The following TTN variants were observed in gnomAD, a reference collection of about 807,000 sequenced individuals.
The protein encoded by TTN is connectin.
A neutral mutation model predicts 3,223.0 loss-of-function variants in TTN; 1,525 were observed. That is an observed-to-expected ratio of 0.47 (90% CI 0.45 to 0.49). TTN has a LOEUF of 0.49. Ranked by LOEUF, TTN falls within the 20% of genes least tolerant of loss-of-function variation. The probability of loss-of-function intolerance (pLI) is 0.00; values close to 1 mark genes in which losing one functional copy is unlikely to be tolerated. For missense variants in TTN, 40,786 were observed against 43,424.0 expected, an observed-to-expected ratio of 0.94 and a Z score of 5.40; for synonymous variants, 14,094 against 15,161.0, an observed-to-expected ratio of 0.93 and a Z score of 5.17.
intron 46 of TTN, among the ~76,000 whole-genome samples, chr2:178,755,140 A>C (rs962637585): frequency 6.6e-6 from 1 of 152,170 alleles, no homozygotes; most frequent in African/African-American, 2.4e-5. Flanking sequence ...GGCACACAAC[A>C]CAGGCTTATG....
chr2:178,693,908 A>G lies in TTN; in HGVS notation c.31513+14T>C. ...CCTTCCATTTGAGCCCCCACATTCC[A>G]GTTTGCCTTATACCTGTGACTGACA... On this transcript the variant is annotated intron_variant, in intron 118 of 362. Transcript: ENST00000589042. The G allele has an allele frequency of 2.5e-6, 4 of 1,610,260 alleles. No individual in the cohort carries two copies. Among genetic ancestry groups the G allele is most frequent in the Non-Finnish European group, 3.4e-6 (4 of 1,177,366 alleles).
At position 178,543,752 on chromosome 2, in the gene TTN, G is replaced by A. The variant is rs945057917; in HGVS notation, c.96310+82C>T. 5.2e-6 allele frequency: 8 copies of A among 1,551,884 alleles called. No homozygotes were observed. In the East Asian group the frequency reaches 1.8e-4, roughly 35 times the overall value. ...ATATAATCAACATAGTTCCTTTCTAGAGAGGTGATCAATCATAGGTCAAGC... is the reference window on the plus strand; with the variant it reads ...ATATAATCAACATAGTTCCTTTCTAAAGAGGTGATCAATCATAGGTCAAGC... On this transcript the variant is annotated intron_variant, in intron 346 of 362. Transcript: ENST00000589042.
chr2:178,586,388 C>T, intron 308 of TTN, 117 bp downstream of exon 308: 1 of 1,260,308 alleles, frequency 7.9e-7, no homozygotes, highest in Non-Finnish European at 1.1e-6. Flanking sequence ...AGCCACTGTT[C>T]TCTACTGTTT....
At position 178,598,056 on chromosome 2, in the gene TTN, AC is replaced by A; in HGVS notation, c.57113del (p.Gly19038ValfsTer6). ...TTGTTCCTCTCACTTCTTTATCTTT[AC>A]CCTGGGGAGAAATCATAGACATTTT... ...KEEGKEEWEKGKDKEVRGTKL... is the reference protein window; with the variant it reads ...KEEGKEEWEKXKDKEVRGTKL... On this transcript the variant is annotated frameshift_variant and splice_region_variant, in exon 293 of 363. Transcript: ENST00000589042. LOFTEE classifies it high-confidence loss of function. The A allele has an allele frequency of 6.2e-7, 1 of 1,610,508 alleles. No individual in the cohort carries two copies.
Position 178,559,830 on chromosome 2 carries a change from C to G in TTN, c.86302G>C (p.Ala28768Pro). ...SEMRKTLIVK[A>P]GASFTMTVPF... ...ACAGTCATGGTAAATGAGGCACCAGCCTTGACAATCAAGGTCTTCCTCATT... is the reference window on the plus strand; with the variant it reads ...ACAGTCATGGTAAATGAGGCACCAGGCTTGACAATCAAGGTCTTCCTCATT... Residue 28768 changes from alanine to proline, a missense_variant, in exon 326 of 363, where the codon GCT (alanine) becomes CCT (proline). By Grantham distance (27) the Ala-to-Pro change is conservative (BLOSUM62 -1). Coordinates refer to ENST00000589042, the MANE Select transcript of TTN (RefSeq NM_001267550.2). 1 of 1,610,684 alleles carries G rather than the reference C, an allele frequency of 6.2e-7. No individual in the cohort carries two copies. The highest frequency in any genetic ancestry group is 8.5e-7 in the Non-Finnish European group (1 of 1,179,622).
At chr2:178,617,636 C>A (rs1224809872) in intron 253 of TTN, 124 bp from the exon 254 acceptor site, 1 of 1,383,326 alleles carries the variant, frequency 7.2e-7, no homozygotes. Context: ...AAAGTAGGCA[C>A]AGTCTGGGTT....
Position 178,553,247 on chromosome 2 carries a change from T to C in TTN, c.89653A>G (p.Arg29885Gly), listed in dbSNP as rs368173790. Residue 29885 changes from arginine to glycine, a missense_variant, in exon 335 of 363, where the codon AGA (arginine) becomes GGA (glycine). By Grantham distance (125) the Arg-to-Gly change is moderately radical (BLOSUM62 -2). Transcript: ENST00000589042. ...KDEKNLGSDARYSIENTDSSS... is the reference protein window; with the variant it reads ...KDEKNLGSDAGYSIENTDSSS... ...GAATCAGTGTTTTCAATGCTGTATC[T>C]GGCATCACTGCCAAGATTCTTCTCA... is the stretch of plus-strand genomic sequence containing the variant. The C allele has an allele frequency of 6.2e-7, 1 of 1,613,212 alleles. No individual in the cohort carries two copies. The highest frequency in any genetic ancestry group is 8.5e-7 in the Non-Finnish European group (1 of 1,179,822).
Position 178,682,820 on chromosome 2 carries a change from C to T in TTN, c.32971G>A (p.Glu10991Lys), listed in dbSNP as rs201081803. The T allele has an allele frequency of 6.6e-5, 107 of 1,612,096 alleles. No homozygotes were observed. Among genetic ancestry groups the T allele is most frequent in the Admixed American group, 3.3e-4 (20 of 59,832 alleles). The change falls in exon 135 of 363, where the codon GAA becomes AAA. Residue 10991 changes from glutamate to lysine, a missense_variant. Physicochemically the swap from Glu to Lys is moderately conservative, Grantham distance 56. Transcript: ENST00000589042. ...VSVQREEEYE[E>K]YEEYDYKEFE... Reference sequence around the variant, plus strand: ...TCTTTATAATCATATTCTTCATATTCCTCATATTCTTCTTCCCGTTGTACT... The same window carrying T: ...TCTTTATAATCATATTCTTCATATTTCTCATATTCTTCTTCCCGTTGTACT...
chr2:178,619,155 G>C (rs569746622), intron 250 of TTN: 144 of 421,026 alleles, frequency 3.4e-4, no homozygotes, highest in Middle Eastern at 1.3e-3. Context: ...TTTGTTTTTT[G>C]ATAGAGTAGG....
At position 178,579,466 on chromosome 2, in the gene TTN, T is replaced by TA. The variant is rs2047186546; in HGVS notation, c.67637-74_67637-73insT. 6 of 1,568,962 alleles carry TA rather than the reference T, an allele frequency of 3.8e-6. No individual in the cohort carries two copies. In the South Asian group the frequency reaches 7.1e-5, roughly 19 times the overall value. On this transcript the variant is annotated intron_variant, in intron 319 of 362. Coordinates refer to ENST00000589042, the MANE Select transcript of TTN (RefSeq NM_001267550.2). ...TTAACTTTTTCAAATAGTTCTAGCTTTTAACGGATTTTTAGATAAGCTAGT... is the reference window on the plus strand; with the variant it reads ...TTAACTTTTTCAAATAGTTCTAGCTTATTAACGGATTTTTAGATAAGCTAGT...
In TTN at chr2:178,771,274, C is replaced by G; in HGVS notation, c.8053G>C (p.Asp2685His). Residue 2685 changes from aspartate to histidine, a missense_variant, in exon 34 of 363, where the codon GAC becomes CAC. Coordinates refer to ENST00000589042, the MANE Select transcript of TTN (RefSeq NM_001267550.2). ...ACCTTGTAGGTATATTCTCCAATGT[C>G]ATCTAATTTGGTGGCAGCAATGATA... is the stretch of plus-strand genomic sequence containing the variant. ...RLIIAATKLD[D>H]IGEYTYKVAT... 6.2e-7 allele frequency: 1 copy of G among 1,613,950 alleles called. No homozygotes were observed. The highest frequency in any genetic ancestry group is 8.5e-7 in the Non-Finnish European group (1 of 1,180,016).
Position 178,592,609 on chromosome 2 carries a change from T to C in TTN, c.59396A>G (p.Lys19799Arg). 6.2e-7 allele frequency: 1 copy of C among 1,613,424 alleles called. No individual in the cohort carries two copies. Among genetic ancestry groups the C allele is most frequent in the Non-Finnish European group, 8.5e-7 (1 of 1,179,606 alleles). ...ACTAAGTCTTAGAGTATCACCAACTTTAATGTGTTGTTCTCTTGCCATGTT... is the reference window on the plus strand; with the variant it reads ...ACTAAGTCTTAGAGTATCACCAACTCTAATGTGTTGTTCTCTTGCCATGTT... ...DANMAREQHIKVGDTLRLSAI... is the reference protein window; with the variant it reads ...DANMAREQHIRVGDTLRLSAI... The change falls in exon 301 of 363, where the codon AAA (lysine) becomes AGA (arginine). Residue 19799 changes from lysine to arginine, a missense_variant. Lys to Arg is a conservative substitution (Grantham distance 26). Coordinates refer to ENST00000589042, the MANE Select transcript of TTN (RefSeq NM_001267550.2).
At chr2:178,771,786 C>G (rs1312131156) in intron 33 of TTN, among the ~76,000 whole-genome samples, 1 of 152,098 alleles carries the variant, frequency 6.6e-6, no homozygotes, top group Non-Finnish European at 1.5e-5. Flanking sequence ...TCTTCAAAAG[C>G]ATTTTACTTG....
Position 178,535,468 on chromosome 2 carries a change from T to C in TTN, c.101147A>G (p.Asp33716Gly), listed in dbSNP as rs1300576084. 1 of 1,613,914 alleles carries C rather than the reference T, an allele frequency of 6.2e-7. No homozygotes were observed. The highest frequency in any genetic ancestry group is 8.5e-7 in the Non-Finnish European group (1 of 1,179,834). The change falls in exon 358 of 363, where the codon GAT becomes GGT. Residue 33716 changes from aspartate to glycine, a missense_variant. Physicochemically the swap from Asp to Gly is moderately conservative, Grantham distance 94. Coordinates refer to ENST00000589042, the MANE Select transcript of TTN (RefSeq NM_001267550.2). ...GTAGTTGGTGATTTTGCTGCCACCA[T>C]CAGAGGCTGGCTCAGTCCATGTTAA... ...VNLTWTEPAS[D>G]GGSKITNYIV...
rs1402710008 is a variant in TTN at position 178,774,916 on chromosome 2, A to C, written c.6790+5T>G. On this transcript the variant is annotated splice_donor_5th_base_variant and intron_variant, in intron 29 of 362. Coordinates refer to ENST00000589042, the MANE Select transcript of TTN (RefSeq NM_001267550.2). ...TAAACAATGAAATCCTTCGTTGTTG[A>C]ATACCTTCAACAATAAGTTTAGCAG... 1 of 1,613,450 alleles carries C rather than the reference A, an allele frequency of 6.2e-7. No individual in the cohort carries two copies. Among genetic ancestry groups the C allele is most frequent in the East Asian group, 2.2e-5 (1 of 44,828 alleles).
chr2:178,734,483 T>G lies in TTN; in HGVS notation c.15341A>C (p.Gln5114Pro). The change falls in exon 52 of 363, where the codon CAA becomes CCA. Residue 5114 changes from glutamine to proline, a missense_variant. Transcript: ENST00000589042. ...TCTGTATTTTTTACTACTTCGAATT[T>G]GTTTCTTGTCTTTGAACCAGCTAAT... ...FEISWFKDKK[Q>P]IRSSKKYRLF... 1 of 1,613,792 alleles carries G rather than the reference T, an allele frequency of 6.2e-7. No homozygotes were observed. Among genetic ancestry groups the G allele is most frequent in the East Asian group, 2.2e-5 (1 of 44,858 alleles).
intron 218 of TTN, among the ~76,000 whole-genome samples, chr2:178,643,862 A>G (rs1405576941): frequency 1.3e-5 from 2 of 151,964 alleles, no homozygotes; most frequent in Non-Finnish European, 2.9e-5. Flanking sequence ...TGAACAGAAC[A>G]CTACTACCCA....
rs373508919 is a variant in TTN, at chr2:178,670,292, G to A, written c.35312C>T (p.Pro11771Leu). Residue 11771 changes from proline to leucine, a missense_variant, in exon 157 of 363, where the codon CCG (proline) becomes CTG (leucine). By Grantham distance (98) the Pro-to-Leu change is moderately conservative (BLOSUM62 -3). Coordinates refer to ENST00000589042, the MANE Select transcript of TTN (RefSeq NM_001267550.2). ...VPRKEPPAKVPEVPKKIVVEE... is the reference protein window; with the variant it reads ...VPRKEPPAKVLEVPKKIVVEE... ...TACCACAATTTTCTTAGGCACCTCC[G>A]GTACTTTAAAGATAATAGTAATAAT... is the stretch of plus-strand genomic sequence containing the variant. 95 of 1,467,830 alleles carry A rather than the reference G, an allele frequency of 6.5e-5. No homozygotes were observed. Among genetic ancestry groups the A allele is most frequent in the East Asian group, 5.4e-4 (21 of 38,826 alleles). 90.9% of individuals were successfully genotyped at this position (1,467,830 alleles called of 1,614,324 possible).
rs1401088918 is a variant in TTN at position 178,723,917 on chromosome 2, G to T, written c.21342C>A (p.Tyr7114Ter). 6.2e-7 allele frequency: 1 copy of T among 1,613,538 alleles called. No homozygotes were observed. Among genetic ancestry groups the T allele is most frequent in the Non-Finnish European group, 8.5e-7 (1 of 1,179,562 alleles). ...NSLDSSDMGN[Y>*]TCVAANVAGS... is the part of the protein sequence containing the mutation. The stretch of plus-strand genomic sequence containing the variant: ...CAGCGACATTAGCAGCCACGCATGT[G>T]TAATTGCCCATATCTGAGGAATCCA... Residue 7114 changes from tyrosine (Y) to a stop codon, truncating the protein, a stop_gained, in exon 73 of 363, where the codon TAC becomes TAA. Coordinates refer to ENST00000589042, the MANE Select transcript of TTN (RefSeq NM_001267550.2). LOFTEE classifies it high-confidence loss of function.
Sources: gnomAD v4.1 joint callset for allele counts (sites outside exome capture counted in the v4.1 genomes callset) on GRCh38, gnomAD v4.1.1 for gene constraint, MANE v1.5 for transcripts, NCBI Gene and HGNC (gene_info 2026-07-23, HGNC 2026-07-21) for gene names.